Variants in EFCAB13 observed in about 807,000 individuals in gnomAD.
EFCAB13 encodes the protein EF-hand calcium binding domain 13.
A neutral mutation model predicts 110.2 loss-of-function variants in EFCAB13; 91 were observed. The observed-to-expected ratio is 0.83, with a 90% CI of 0.70 to 0.98. The LOEUF is 0.98. Ranked by LOEUF, EFCAB13 falls within the 50% of genes least tolerant of loss-of-function variation. The pLI, the probability that EFCAB13 is intolerant of heterozygous loss-of-function variation, is 0.00. For missense variants in EFCAB13, 968 were observed against 1,119.4 expected, an observed-to-expected ratio of 0.86 and a Z score of 1.93; for synonymous variants, 323 against 369.9, an observed-to-expected ratio of 0.87 and a Z score of 1.45.
Position 47,353,696 on chromosome 17 carries a change from A to G in EFCAB13, c.661+5745A>G, listed in dbSNP as rs78986975. On this transcript the variant is annotated intron_variant, in intron 9 of 24. Transcript: ENST00000331493. ...AATAAAAACTCTTCAATACTTATTT[A>G]CTCATTTATGTAATAAACATTAATA... Among the ~76,000 whole-genome samples, 1,310 of 152,294 alleles carry G rather than the reference A, an allele frequency of 8.6e-3. 13 individuals are homozygous for G. The highest frequency in any genetic ancestry group is 0.027 in the African/African-American group (1,118 of 41,548).
At chr17:47,383,188 G>T (rs1376904664) in intron 14 of EFCAB13, among the ~76,000 whole-genome samples, 1 of 151,724 alleles carries the variant, frequency 6.6e-6, no homozygotes, top group South Asian at 2.1e-4. Context: ...TTCTTTATTA[G>T]TCTTGCTAGC....
At chr17:47,402,334 A>G in intron 18 of EFCAB13, 131 bp downstream of exon 18, 2 of 824,536 alleles carry the variant, frequency 2.4e-6, no homozygotes, top group Non-Finnish European at 3.8e-6. Flanking sequence ...TTATACGCAG[A>G]TGAAACTTGG....
At chr17:47,420,417 G>A (rs1904616459) in intron 23 of EFCAB13, among the ~76,000 whole-genome samples, 1 of 152,054 alleles carries the variant, frequency 6.6e-6, no homozygotes, top group Admixed American at 6.5e-5. Context: ...CATCATCTGG[G>A]ACGTGAGGAG....
chr17:47,393,737 T>G (rs1339278640), intron 15 of EFCAB13, among the ~76,000 whole-genome samples: 1 of 148,022 alleles, frequency 6.8e-6, no homozygotes, highest in Non-Finnish European at 1.5e-5. Flanking sequence ...AATAAATAAA[T>G]AAATAAATAA....
intron 22 of EFCAB13, among the ~76,000 whole-genome samples, chr17:47,414,273 A>T (rs1393684374): frequency 6.6e-6 from 1 of 152,082 alleles, no homozygotes; most frequent in Non-Finnish European, 1.5e-5. Flanking sequence ...GTGTGTGTGT[A>T]CATGTACATG....
intron 10 of EFCAB13, among the ~76,000 whole-genome samples, chr17:47,366,424 C>T (rs2065546532): frequency 6.6e-6 from 1 of 151,642 alleles, no homozygotes; most frequent in African/African-American, 2.4e-5. Context: ...TGTGGAGCTA[C>T]CTGAAGATTA....
chr17:47,378,203 G>A (rs2292345), intron 13 of EFCAB13, among the ~76,000 whole-genome samples: 13,364 of 152,102 alleles, frequency 0.088, 848 homozygotes, highest in East Asian at 0.35. Flanking sequence ...CAGTTGTAGC[G>A]AGGTTCAGAT....
intron 23 of EFCAB13, among the ~76,000 whole-genome samples, chr17:47,420,451 T>G (rs1436393446): frequency 6.9e-6 from 1 of 145,760 alleles, no homozygotes; most frequent in Non-Finnish European, 1.5e-5. Context: ...CTGCCCAGTC[T>G]GGAAAGTGAG....
intron 9 of EFCAB13, among the ~76,000 whole-genome samples, chr17:47,357,505 C>T (rs2065487674): frequency 6.6e-6 from 1 of 152,192 alleles, no homozygotes; most frequent in Non-Finnish European, 1.5e-5. Context: ...ACCTCTGCCT[C>T]CCTGGTTCAA....
chr17:47,394,706 G>C (rs972184205), intron 16 of EFCAB13, among the ~76,000 whole-genome samples: 2 of 152,096 alleles, frequency 1.3e-5, no homozygotes, highest in African/African-American at 4.8e-5. Flanking sequence ...TACATGTTAG[G>C]TAACAGTAGA....
intron 9 of EFCAB13, among the ~76,000 whole-genome samples, chr17:47,354,667 T>A (rs2065470555): frequency 6.6e-6 from 1 of 152,228 alleles, no homozygotes; most frequent in African/African-American, 2.4e-5. Context: ...TTGTTTTGTC[T>A]GATACAAGAA....
chr17:47,422,965 C>T (rs1050748456), intron 23 of EFCAB13, among the ~76,000 whole-genome samples: 3 of 152,182 alleles, frequency 2.0e-5, no homozygotes, highest in African/African-American at 7.2e-5. Context: ...CGTTACTTTA[C>T]ATCAAGATTT....
intron 14 of EFCAB13, among the ~76,000 whole-genome samples, chr17:47,389,108 C>T (rs916267017): frequency 3.3e-5 from 5 of 152,152 alleles, no homozygotes; most frequent in African/African-American, 1.2e-4. Context: ...TCATTGCACA[C>T]TGCAGCCTAG....
chr17:47,325,758 C>A (rs181897379), intron 2 of EFCAB13, among the ~76,000 whole-genome samples: 3 of 151,686 alleles, frequency 2.0e-5, no homozygotes, highest in Non-Finnish European at 2.9e-5. Context: ...CTGTTCCCTG[C>A]ATCTCTTCCC....
intron 12 of EFCAB13, among the ~76,000 whole-genome samples, chr17:47,375,302 A>C (rs1376320148): frequency 2.6e-5 from 4 of 151,902 alleles, no homozygotes; most frequent in Admixed American, 2.0e-4. Flanking sequence ...TCTATTTTTT[A>C]TTTTTTGAGT....
In EFCAB13 at chr17:47,406,215, C is replaced by T. The variant is rs1003650921; in HGVS notation, c.2233+1582C>T. On this transcript the variant is annotated intron_variant, in intron 20 of 24. Coordinates refer to ENST00000331493, the MANE Select transcript of EFCAB13 (RefSeq NM_152347.5). ...GCAACCTCTGCCTCCCGGTTTCAAGCGATTCTCCTGCCTCAGCCTCTTGAG... is the reference window on the plus strand; with the variant it reads ...GCAACCTCTGCCTCCCGGTTTCAAGTGATTCTCCTGCCTCAGCCTCTTGAG... Among the ~76,000 whole-genome samples the T allele has an allele frequency of 4.9e-4, 74 of 152,146 alleles. 1 individual carries two copies. Among genetic ancestry groups the T allele is most frequent in the Non-Finnish European group, 3.8e-4 (26 of 68,040 alleles).
intron 15 of EFCAB13, among the ~76,000 whole-genome samples, chr17:47,393,177 C>T (rs72825691): frequency 0.088 from 13,363 of 152,016 alleles, 847 homozygotes; most frequent in East Asian, 0.35. Flanking sequence ...CCTGAGTAGC[C>T]GGGACTAAAG....
Position 47,394,056 on chromosome 17 carries a change from T to C in EFCAB13, c.1758T>C (p.Ile586=). The change falls in exon 16 of 25, where the codon ATT becomes ATC. Residue 586 remains isoleucine, a synonymous_variant. Coordinates refer to ENST00000331493, the MANE Select transcript of EFCAB13 (RefSeq NM_152347.5). ...AAAAAGTGAATTTTAAAGAATTCAT[T>C]GATACTATGATGAGCAACACGGAAT... The part of the protein sequence containing the change: ...ETKKVNFKEF[I]DTMMSNTECF... The C allele has an allele frequency of 4.5e-6, 7 of 1,551,710 alleles. No individual in the cohort carries two copies. Among genetic ancestry groups the C allele is most frequent in the Non-Finnish European group, 6.1e-6 (7 of 1,153,828 alleles).
At chr17:47,362,495 C>T (rs1323122481) in intron 10 of EFCAB13, among the ~76,000 whole-genome samples, 2 of 152,212 alleles carry the variant, frequency 1.3e-5, no homozygotes, top group Non-Finnish European at 2.9e-5. Flanking sequence ...CTGGGAAAGG[C>T]AGTCTCCCTT....
Sources: gnomAD v4.1 joint callset for allele counts (sites outside exome capture counted in the v4.1 genomes callset) on GRCh38, gnomAD v4.1.1 for gene constraint, MANE v1.5 for transcripts, NCBI Gene and HGNC (gene_info 2026-07-23, HGNC 2026-07-21) for gene names.